Variants in GPC5 observed in about 807,000 individuals in gnomAD.
GPC5 encodes glypican-5.
Under a neutral mutation model 53.9 loss-of-function variants are expected in GPC5, and 47 were observed. The observed-to-expected ratio is 0.87, with a 90% CI of 0.69 to 1.11. The LOEUF is 1.11. GPC5 is among the 50% of genes most tolerant of loss of function. GPC5 has a pLI of 0.00. For synonymous variants in GPC5, 286 were observed against 263.3 expected (o/e 1.09, Z -0.84); for missense variants, 748 against 713.1 (o/e 1.05, Z -0.56).
intron 2 of GPC5, among the ~76,000 whole-genome samples, chr13:91,462,285 A>G (rs965331729): frequency 6.6e-6 from 1 of 152,066 alleles, no homozygotes; most frequent in South Asian, 2.1e-4. Context: ...TTTGTAGTTT[A>G]TGTTGGTATA....
intron 7 of GPC5, chr13:92,448,729 C>G (rs914446800): frequency 2.0e-5 from 3 of 151,498 alleles, no homozygotes; most frequent in Non-Finnish European, 2.9e-5. Context: ...TATTATTTCA[C>G]TTTGGTATAA....
intron 6 of GPC5, among the ~76,000 whole-genome samples, chr13:91,968,320 T>C (rs2040208707): frequency 6.6e-6 from 1 of 152,178 alleles, no homozygotes; most frequent in African/African-American, 2.4e-5. Flanking sequence ...ATCAGATAAA[T>C]ATCTAAGAGT....
chr13:91,462,168 C>T (rs1881973456), intron 2 of GPC5, among the ~76,000 whole-genome samples: 1 of 152,100 alleles, frequency 6.6e-6, no homozygotes, highest in South Asian at 2.1e-4. Flanking sequence ...CAATGACTGG[C>T]TTAACAAACG....
At chr13:92,434,043 G>T (rs2139377542) in intron 7 of GPC5, among the ~76,000 whole-genome samples, 1 of 152,320 alleles carries the variant, frequency 6.6e-6, no homozygotes, top group Non-Finnish European at 1.5e-5. Flanking sequence ...TTTAAGAAAT[G>T]AGTACAGTTA....
In GPC5 at chr13:92,200,038, G is replaced by A. The variant is rs920185127; in HGVS notation, c.1561+55049G>A. On this transcript the variant is annotated intron_variant, in intron 7 of 7. Coordinates refer to ENST00000377067, the MANE Select transcript of GPC5 (RefSeq NM_004466.6). ...AGTCTTTGCTCAATGTATTTTCATT[G>A]AGAATATGAAGCACAGCCATTCTAA... Among the ~76,000 whole-genome samples the A allele has an allele frequency of 2.0e-5, 3 of 152,142 alleles. No individual in the cohort carries two copies. The East Asian group carries it at 5.8e-4, about 29-fold the overall frequency.
chr13:92,793,636 G>C (rs551772486), intron 7 of GPC5, among the ~76,000 whole-genome samples: 1 of 151,884 alleles, frequency 6.6e-6, no homozygotes, highest in African/African-American at 2.4e-5. Flanking sequence ...TAGACCACTA[G>C]CAAGATTAAT....
chr13:92,761,926 C>A (rs1455462340), intron 7 of GPC5, among the ~76,000 whole-genome samples: 5 of 151,910 alleles, frequency 3.3e-5, no homozygotes, highest in African/African-American at 1.2e-4. Flanking sequence ...ATATTATACC[C>A]AGCAAAACTG....
At chr13:92,775,411 G>A (rs924840664) in intron 7 of GPC5, among the ~76,000 whole-genome samples, 2 of 152,116 alleles carry the variant, frequency 1.3e-5, no homozygotes, top group African/African-American at 4.8e-5. Flanking sequence ...CTTCAAATAT[G>A]CCAGTCATGA....
At chr13:92,198,949 T>C (rs771400954) in intron 7 of GPC5, among the ~76,000 whole-genome samples, 2 of 152,220 alleles carry the variant, frequency 1.3e-5, no homozygotes, top group Non-Finnish European at 2.9e-5. Context: ...ATAAGTATTT[T>C]TCATAAGCAA....
At chr13:92,238,615 A>G (rs1183502334) in intron 7 of GPC5, among the ~76,000 whole-genome samples, 2 of 152,074 alleles carry the variant, frequency 1.3e-5, no homozygotes, top group Admixed American at 6.6e-5. Context: ...ATTATTAGAC[A>G]TATAATTTCC....
chr13:91,405,347 G>GA (rs1238924510), intron 1 of GPC5, among the ~76,000 whole-genome samples: 1 of 152,114 alleles, frequency 6.6e-6, no homozygotes, highest in Non-Finnish European at 1.5e-5. Flanking sequence ...AAGTCGTGAT[G>GA]ACCAAAAATG....
chr13:91,986,052 T>C (rs1302045153), intron 6 of GPC5, among the ~76,000 whole-genome samples: 1 of 147,162 alleles, frequency 6.8e-6, no homozygotes, highest in Non-Finnish European at 1.5e-5. Context: ...AATTTATTCT[T>C]AGCCAATACT....
chr13:92,742,737 C>A (rs1429276001), intron 7 of GPC5, among the ~76,000 whole-genome samples: 1 of 152,190 alleles, frequency 6.6e-6, no homozygotes, highest in Admixed American at 6.5e-5. Context: ...AGTCTTTAAT[C>A]CATCTTGAAT....
intron 7 of GPC5, among the ~76,000 whole-genome samples, chr13:92,532,803 G>T (rs908712012): frequency 2.0e-5 from 3 of 151,956 alleles, no homozygotes; most frequent in African/African-American, 7.2e-5. Context: ...CTTTCCTTCA[G>T]GGCCCAATAC....
chr13:91,886,701 A>G (rs1238648433), intron 5 of GPC5, among the ~76,000 whole-genome samples: 1 of 152,304 alleles, frequency 6.6e-6, no homozygotes, highest in South Asian at 2.1e-4. Flanking sequence ...GCTCCATGCA[A>G]GTCTGAAATC....
chr13:91,575,553 A>G (rs1048201838), intron 2 of GPC5, among the ~76,000 whole-genome samples: 15 of 152,122 alleles, frequency 9.9e-5, no homozygotes, highest in Admixed American at 7.9e-4. Context: ...TCCTAGGGAG[A>G]ACACGCTATT....
chr13:91,668,785 G>A (rs1331866075), intron 2 of GPC5, among the ~76,000 whole-genome samples: 1 of 152,100 alleles, frequency 6.6e-6, no homozygotes, highest in African/African-American at 2.4e-5. Context: ...AGCACCCTGA[G>A]AATCCTAATA....
chr13:91,457,039 G>A (rs1459471919), intron 2 of GPC5, among the ~76,000 whole-genome samples: 5 of 151,940 alleles, frequency 3.3e-5, no homozygotes, highest in East Asian at 1.9e-4. Context: ...CAGTAAAATT[G>A]CGTAATAATT....
intron 7 of GPC5, among the ~76,000 whole-genome samples, chr13:92,438,775 G>A (rs567464227): frequency 3.9e-5 from 6 of 152,100 alleles, no homozygotes; most frequent in African/African-American, 1.4e-4. Flanking sequence ...ACAATTGGTA[G>A]TTAAATAGGT....
Sources: allele counts gnomAD v4.1 joint callset (sites outside exome capture counted in the v4.1 genomes callset), GRCh38; gene constraint gnomAD v4.1.1; transcripts MANE v1.5; gene names NCBI Gene and HGNC (gene_info 2026-07-23, HGNC 2026-07-21).